IL32: variants seen among roughly 807,000 people sequenced by gnomAD.
IL32 encodes the protein interleukin 32, also known as interleukin-32.
Under a neutral mutation model 16.6 loss-of-function variants are expected in IL32, and 30 were observed. The observed-to-expected ratio is 1.81, with a 90% CI of 1.35 to 2.45. The LOEUF is 2.45. Ranked by LOEUF, IL32 falls within the 30% of genes most tolerant of loss-of-function variation. IL32 has a pLI of 0.00. For synonymous variants in IL32, 70 were observed against 86.1 expected (o/e 0.81, Z 1.03); for missense variants, 234 against 229.8 (o/e 1.02, Z -0.12).
intron 2 of IL32, among the ~76,000 whole-genome samples, chr16:3,066,081 C>T (rs1035400453): frequency 4.0e-5 from 6 of 151,088 alleles, no homozygotes; most frequent in South Asian, 4.4e-4. Flanking sequence ...CCGGAAAGCC[C>T]GGGGCAGGGG....
At chr16:3,067,300 T>C in intron 2 of IL32, 77 bp from the exon 3 acceptor site, 2 of 717,934 alleles carry the variant, frequency 2.8e-6, no homozygotes, top group Admixed American at 2.4e-5. Flanking sequence ...TGTGTGTGTG[T>C]GTGTGTGTGT....
At position 3,069,382 on chromosome 16, in the gene IL32, C is replaced by G. The variant is rs374074230; in HGVS notation, c.*27C>G. On this transcript the variant is annotated 3_prime_UTR_variant, in exon 7 of 7. Transcript: ENST00000525643. ...GATACTGACACCACCTTTGCCCTCC[C>G]CGTCACCGCGCACCCACCCTGACCC... 1 of 1,561,310 alleles carries G rather than the reference C, an allele frequency of 6.4e-7. No individual in the cohort carries two copies. Among genetic ancestry groups the G allele is most frequent in the Non-Finnish European group, 8.7e-7 (1 of 1,152,444 alleles).
intron 4 of IL32, 168 bp downstream of exon 4, chr16:3,067,781 T>C (rs1207774579): frequency 7.4e-6 from 6 of 807,680 alleles, no homozygotes; most frequent in East Asian, 2.6e-5. Flanking sequence ...GGGTGGGGGA[T>C]CTGGACGCCC....
intron 2 of IL32, 88 bp from the exon 3 acceptor site, chr16:3,067,289 G>GTATGTGTCTC: frequency 1.8e-6 from 1 of 559,190 alleles, no homozygotes; most frequent in East Asian, 3.0e-5. Flanking sequence ...GTGTGTGTGT[G>GTATGTGTCTC]TGTGTGTGTG....
rs566548333 is a variant in IL32, at chr16:3,067,969, C to T, written c.115-15C>T. 1 of 1,614,102 alleles carries T rather than the reference C, an allele frequency of 6.2e-7. No homozygotes were observed. The highest frequency in any genetic ancestry group is 2.2e-5 in the East Asian group (1 of 44,876). On this transcript the variant is annotated splice_polypyrimidine_tract_variant and intron_variant, in intron 4 of 6. Transcript: ENST00000525643. ...GGAGGCTTGGGCCTGGAACCGAGTG[C>T]TTTGTTCCTAACAGGTGATGTCGAG...
At chr16:3,066,363 G>C (rs141237536) in intron 2 of IL32, among the ~76,000 whole-genome samples, 41 of 152,338 alleles carry the variant, frequency 2.7e-4, no homozygotes, top group African/African-American at 7.5e-4. Flanking sequence ...CATGGCTCCC[G>C]CATGTCGGCA....
chr16:3,067,925 G>C, intron 4 of IL32, 59 bp from the exon 5 acceptor site: 4 of 1,595,924 alleles, frequency 2.5e-6, no homozygotes, highest in Non-Finnish European at 3.4e-6. Flanking sequence ...CTTGAGGACT[G>C]ACTGATGTGG....
At chr16:3,066,852 A>C (rs1208118519) in intron 2 of IL32, among the ~76,000 whole-genome samples, 1 of 152,028 alleles carries the variant, frequency 6.6e-6, no homozygotes, top group East Asian at 1.9e-4. Context: ...GCTCCAGGAC[A>C]GTGTCCATCC....
intron 6 of IL32, among the ~76,000 whole-genome samples, 169 bp from the exon 7 acceptor site, chr16:3,068,821 G>A (rs1431906197): frequency 6.6e-6 from 1 of 152,180 alleles, no homozygotes; most frequent in African/African-American, 2.4e-5. Context: ...ATGCAGAGGA[G>A]GGGGACTCTG....
intron 2 of IL32, 23 bp from the exon 3 acceptor site, chr16:3,067,352 CTG>C (rs1229407622): frequency 1.4e-6 from 2 of 1,411,104 alleles, no homozygotes; most frequent in African/African-American, 1.5e-5. Flanking sequence ...CACATGGAGA[CTG>C]AGTGTCACCG....
At chr16:3,067,876 G>A (rs2239302) in intron 4 of IL32, 108 bp from the exon 5 acceptor site, 87,917 of 1,347,426 alleles carry the variant, frequency 0.065, 4,009 homozygotes, top group African/African-American at 0.2. Flanking sequence ...CCCTGGCTGG[G>A]CCCAGTTCGG....
intron 5 of IL32, 61 bp from the exon 6 acceptor site, chr16:3,068,119 G>T: frequency 5.6e-6 from 9 of 1,601,868 alleles, no homozygotes; most frequent in Non-Finnish European, 7.7e-6. Flanking sequence ...ACCAGTGGGG[G>T]CCACAGTGGG....
At chr16:3,067,184 C>T (rs1373038024) in intron 2 of IL32, among the ~76,000 whole-genome samples, 193 bp from the exon 3 acceptor site, 2 of 151,970 alleles carry the variant, frequency 1.3e-5, no homozygotes, top group Non-Finnish European at 2.9e-5. Context: ...TGAGTCGTTT[C>T]GAGGACAGCC....
At chr16:3,067,903 G>C in intron 4 of IL32, 81 bp from the exon 5 acceptor site, 1 of 1,500,656 alleles carries the variant, frequency 6.7e-7, no homozygotes, top group Non-Finnish European at 9.3e-7. Flanking sequence ...TGGGAGCTGA[G>C]GACTCACTGG....
In IL32 at chr16:3,068,242, G is replaced by C. The variant is rs1221041342; in HGVS notation, c.201+3G>C. On this transcript the variant is annotated splice_donor_region_variant and intron_variant, in intron 6 of 6. Coordinates refer to ENST00000525643, the MANE Select transcript of IL32 (RefSeq NM_001376923.1). ...CTTATTATGAGGAGCAGCACCCAGT[G>C]AGTATGACACACCCATCTGGGCACC... The C allele has an allele frequency of 1.3e-6, 2 of 1,591,198 alleles. No individual in the cohort carries two copies. The highest frequency in any genetic ancestry group is 1.1e-5 in the South Asian group (1 of 87,920).
chr16:3,066,873 G>A (rs1048857940), intron 2 of IL32, among the ~76,000 whole-genome samples: 2 of 151,722 alleles, frequency 1.3e-5, no homozygotes, highest in Admixed American at 6.6e-5. Context: ...TCCCGTGTGT[G>A]TACATGGGGG....
chr16:3,065,880 G>A, intron 2 of IL32, 54 bp downstream of exon 2: 1 of 1,606,992 alleles, frequency 6.2e-7, no homozygotes, highest in Non-Finnish European at 8.5e-7. Context: ...CAGACCGTAA[G>A]GGTGCGGGTG....
In IL32 at chr16:3,067,732, C is replaced by G. The variant is rs765452677; in HGVS notation, c.114+119C>G. 9 of 920,184 alleles carry G rather than the reference C, an allele frequency of 9.8e-6. No individual in the cohort carries two copies. The highest frequency in any genetic ancestry group is 2.7e-4 in the Middle Eastern group (1 of 3,762). The allele number at this position is 920,184 out of a possible 1,614,324, so 57.0% of individuals were successfully genotyped here. A position where few individuals can be genotyped will look rare whatever the true frequency, so the allele number is the denominator to read the frequency against. On this transcript the variant is annotated intron_variant, in intron 4 of 6. Coordinates refer to ENST00000525643, the MANE Select transcript of IL32 (RefSeq NM_001376923.1). ...ACCCACAGGCTCCCTCACCCCTTACCGTGGGCAAATGCTTGCACCTGGGTG... is the reference window on the plus strand; with the variant it reads ...ACCCACAGGCTCCCTCACCCCTTACGGTGGGCAAATGCTTGCACCTGGGTG...
At chr16:3,067,459 T>C (rs1161723321) in intron 3 of IL32, 44 bp downstream of exon 3, 1 of 1,612,722 alleles carries the variant, frequency 6.2e-7, no homozygotes, top group Admixed American at 1.7e-5. Context: ...GGGGCCTGGG[T>C]CTCAGCGTGT....
Sources: allele counts gnomAD v4.1 joint callset (sites outside exome capture counted in the v4.1 genomes callset), GRCh38; gene constraint gnomAD v4.1.1; transcripts MANE v1.5; gene names NCBI Gene and HGNC (gene_info 2026-07-23, HGNC 2026-07-21).